The following TMEM74B variants were observed in gnomAD, a reference collection of about 807,000 sequenced individuals.
TMEM74B encodes transmembrane protein C20orf46.
TMEM74B carries 7 observed loss-of-function variants against 6.5 expected under a neutral mutation model. The ratio of observed to expected loss-of-function variants is 1.07; its 90% CI spans 0.61 to 2.01. The LOEUF (loss-of-function observed/expected upper bound fraction) is 2.01. TMEM74B is among the 30% of genes most tolerant of loss of function. The pLI is 0.00. For synonymous variants in TMEM74B, 151 were observed against 151.6 expected (o/e 1.00, Z 0.03); for missense variants, 342 against 337.0 (o/e 1.01, Z -0.12).
At chr20:1,182,163 TGTATGA>T (rs1455630127) in intron 2 of TMEM74B, among the ~76,000 whole-genome samples, 1 of 136,794 alleles carries the variant, frequency 7.3e-6, no homozygotes, top group Non-Finnish European at 1.5e-5. Context: ...TGGACCTTGT[TGTATGA>T]GGGAAGGATG....
At chr20:1,182,496 A>T (rs2086897549) in intron 2 of TMEM74B, among the ~76,000 whole-genome samples, 1 of 149,850 alleles carries the variant, frequency 6.7e-6, no homozygotes, top group Non-Finnish European at 1.5e-5. Context: ...AAAGTGGAGG[A>T]TGGGGGTCCA....
upstream of TMEM74B, among the ~76,000 whole-genome samples, chr20:1,186,833 TAG>T (rs2087028337): frequency 6.6e-6 from 1 of 152,116 alleles, no homozygotes; most frequent in Admixed American, 6.5e-5. Context: ...GGCCCGTTGT[TAG>T]AGACTTCAAA....
chr20:1,188,930 T>C (rs2087048183), upstream of TMEM74B, among the ~76,000 whole-genome samples: 1 of 131,540 alleles, frequency 7.6e-6, no homozygotes, highest in Non-Finnish European at 1.5e-5. Context: ...ATTTTGAAAG[T>C]GCGAGGTGCA....
chr20:1,181,274 C>T lies in TMEM74B; in HGVS notation c.345G>A (p.Val115=). 1 of 1,613,732 alleles carries T rather than the reference C, an allele frequency of 6.2e-7. No individual in the cohort carries two copies. Among genetic ancestry groups the T allele is most frequent in the Non-Finnish European group, 8.5e-7 (1 of 1,179,826 alleles). The change falls in exon 3 of 3, where the codon GTG becomes GTA. Residue 115 remains valine (V), a synonymous_variant. Transcript: ENST00000429036. This position sits in a 1 kb window ranked among gnomAD's most constrained non-coding sequence, Gnocchi z 4.9. ...HSEEGPALEP[V]SRPVDYGFVS... is the part of the protein sequence containing the mutation. The stretch of plus-strand genomic sequence containing the variant: ...CAAAGCCATAATCCACCGGGCGGCT[C>T]ACGGGCTCCAGGGCTGGCCCCTCCT...
chr20:1,187,583 T>C (rs2087036702), upstream of TMEM74B, among the ~76,000 whole-genome samples: 1 of 152,126 alleles, frequency 6.6e-6, no homozygotes, highest in Admixed American at 6.5e-5. Flanking sequence ...GCCAACCTAG[T>C]CTTGGGGATA....
rs1306874319 is a variant in TMEM74B, at chr20:1,181,001, GC to G, written c.617del (p.Arg206ProfsTer22). The G allele has an allele frequency of 6.2e-7, 1 of 1,613,940 alleles. No homozygotes were observed. The highest frequency in any genetic ancestry group is 1.3e-5 in the African/African-American group (1 of 74,936). On this transcript the variant is annotated frameshift_variant, in exon 3 of 3. Transcript: ENST00000429036. LOFTEE classifies it low-confidence loss of function (END_TRUNC). The surrounding 1 kb of genome is among the most constrained non-coding windows in gnomAD (Gnocchi z 4.9). ...CCTTGCCGGGGACGAAGGTCCTCCGGCGGTACAGCTCGCCCTTGCACAGGGA... is the reference window on the plus strand; with the variant it reads ...CCTTGCCGGGGACGAAGGTCCTCCGGGGTACAGCTCGCCCTTGCACAGGGA... ...MVSLCKGELY[R>X]RRTFVPGKGS...
At position 1,181,567 on chromosome 20, in the gene TMEM74B, C is replaced by G; in HGVS notation, c.52G>C (p.Glu18Gln). Residue 18 changes from glutamate to glutamine, a missense_variant, in exon 3 of 3, where the codon GAG (glutamate) becomes CAG (glutamine). Coordinates refer to ENST00000429036, the MANE Select transcript of TMEM74B (RefSeq NM_001304748.2). This position sits in a 1 kb window ranked among gnomAD's most constrained non-coding sequence, Gnocchi z 4.9. ...GCCATTGGGAAGGAGGGCCCCAGCTCATCCCTTGGCCCCTTGGCAGCTGGA... is the reference window on the plus strand; with the variant it reads ...GCCATTGGGAAGGAGGGCCCCAGCTGATCCCTTGGCCCCTTGGCAGCTGGA... The part of the protein sequence containing the change: ...EFAAAKGPRD[E>Q]LGPSFPMASP... 7.5e-6 allele frequency: 11 copies of G among 1,466,890 alleles called. No individual in the cohort carries two copies. The highest frequency in any genetic ancestry group is 9.0e-6 in the Non-Finnish European group (10 of 1,115,042). 90.9% of individuals were successfully genotyped at this position (1,466,890 alleles called of 1,614,324 possible).
In TMEM74B at chr20:1,182,479, AG is replaced by A. The variant is rs771992997; in HGVS notation, c.32-893del. Among the ~76,000 whole-genome samples, 24 of 149,536 alleles carry A rather than the reference AG, an allele frequency of 1.6e-4. 1 individual carries two copies. The East Asian group carries it at 1.8e-3, about 11-fold the overall frequency. ...AAGAAAGGAGGACTGATGAGATGGG[AG>A]GGGGCAAAGTGGAGGATGGGGGTCC... On this transcript the variant is annotated intron_variant, in intron 2 of 2. Coordinates refer to ENST00000429036, the MANE Select transcript of TMEM74B (RefSeq NM_001304748.2).
At chr20:1,183,529 C>G (rs1157509631) in intron 2 of TMEM74B, among the ~76,000 whole-genome samples, 1 of 152,138 alleles carries the variant, frequency 6.6e-6, no homozygotes, top group African/African-American at 2.4e-5. Context: ...CAGCCCATTT[C>G]TATCACTACG....
At position 1,180,883 on chromosome 20, in the gene TMEM74B, C is replaced by A; in HGVS notation, c.736G>T (p.Val246Phe). 6.2e-7 allele frequency: 1 copy of A among 1,607,902 alleles called. No individual in the cohort carries two copies. Among genetic ancestry groups the A allele is most frequent in the Middle Eastern group, 1.7e-4 (1 of 6,018 alleles). Residue 246 changes from valine to phenylalanine, a missense_variant, in exon 3 of 3, where the codon GTC (valine) becomes TTC (phenylalanine). By Grantham distance (50) the Val-to-Phe change is conservative. Coordinates refer to ENST00000429036, the MANE Select transcript of TMEM74B (RefSeq NM_001304748.2). This position sits in a 1 kb window ranked among gnomAD's most constrained non-coding sequence, Gnocchi z 6.1. ...QALVENEVVQ[V>F]SETSHTLQRS is the part of the protein sequence containing the mutation. ...TGGAGGGTGTGGCTAGTCTCTGAGA[C>A]CTGGACAACTTCATTCTCCACCAGG...
upstream of TMEM74B, among the ~76,000 whole-genome samples, chr20:1,186,857 C>T (rs993826415): frequency 7.9e-5 from 12 of 152,150 alleles, no homozygotes; most frequent in African/African-American, 2.9e-4. Flanking sequence ...GGATGCTAGC[C>T]CTGGCACCAC....
Position 1,181,176 on chromosome 20 carries a change from C to A in TMEM74B, c.443G>T (p.Arg148Leu). 1 of 1,614,158 alleles carries A rather than the reference C, an allele frequency of 6.2e-7. No individual in the cohort carries two copies. The highest frequency in any genetic ancestry group is 1.1e-5 in the South Asian group (1 of 91,082). The change falls in exon 3 of 3, where the codon CGA (arginine) becomes CTA (leucine). Residue 148 changes from arginine (R) to leucine (L), a missense_variant. Coordinates refer to ENST00000429036, the MANE Select transcript of TMEM74B (RefSeq NM_001304748.2). The surrounding 1 kb of genome is among the most constrained non-coding windows in gnomAD (Gnocchi z 4.9). Reference protein sequence around the residue: ...VTAYAIPREARVNPDTVTARE... With the variant: ...VTAYAIPREALVNPDTVTARE... Reference sequence around the variant, plus strand: ...CGCTGTCACTGTGTCCGGATTGACTCGAGCCTCACGGGGGATGGCGTATGC... The same window carrying A: ...CGCTGTCACTGTGTCCGGATTGACTAGAGCCTCACGGGGGATGGCGTATGC...
At chr20:1,183,298 G>GTGTGTGTGTGTGTGTGTT (rs1555769570) in intron 2 of TMEM74B, among the ~76,000 whole-genome samples, 5 of 149,828 alleles carry the variant, frequency 3.3e-5, no homozygotes, top group Non-Finnish European at 6.0e-5. Flanking sequence ...CTCTGTGTGT[G>GTGTGTGTGTGTGTGTGTT]TGTGTGTGTG....
At chr20:1,187,031 A>G (rs1249878456), upstream of TMEM74B, among the ~76,000 whole-genome samples, 4 of 152,168 alleles carry the variant, frequency 2.6e-5, no homozygotes, top group Non-Finnish European at 5.9e-5. Context: ...TCCCTCAGTC[A>G]TGCGCTGTCC....
At chr20:1,188,933 G>A (rs1236747314), upstream of TMEM74B, among the ~76,000 whole-genome samples, 1 of 148,752 alleles carries the variant, frequency 6.7e-6, no homozygotes, top group Non-Finnish European at 1.5e-5. Context: ...TTGAAAGTGC[G>A]AGGTGCACAT....
chr20:1,181,540 A>G lies in TMEM74B; in HGVS notation c.79T>C (p.Ser27Pro), dbSNP rs2086869101. Residue 27 changes from serine (S) to proline (P), a missense_variant, in exon 3 of 3, where the codon TCT becomes CCT. Physicochemically the swap from Ser to Pro is moderately conservative, Grantham distance 74 (BLOSUM62 -1). Transcript: ENST00000429036. The surrounding 1 kb of genome is among the most constrained non-coding windows in gnomAD (Gnocchi z 4.9). Reference sequence around the variant, plus strand: ...GTCTTCAGTTCCAGACCAGGGGGAGATGCCATTGGGAAGGAGGGCCCCAGC... The same window carrying G: ...GTCTTCAGTTCCAGACCAGGGGGAGGTGCCATTGGGAAGGAGGGCCCCAGC... The part of the protein sequence containing the change: ...DELGPSFPMA[S>P]PPGLELKTLS... The G allele has an allele frequency of 1.4e-6, 2 of 1,478,576 alleles. No individual in the cohort carries two copies. Among genetic ancestry groups the G allele is most frequent in the Non-Finnish European group, 1.8e-6 (2 of 1,118,194 alleles). The allele number at this position is 1,478,576 out of a possible 1,614,324, so 91.6% of individuals were successfully genotyped here. A position where few individuals can be genotyped will look rare whatever the true frequency, so the allele number is the denominator to read the frequency against.
Position 1,183,907 on chromosome 20 carries a change from G to A in TMEM74B, c.-106C>T. 7.3e-7 allele frequency: 1 copy of A among 1,365,000 alleles called. No individual in the cohort carries two copies. The highest frequency in any genetic ancestry group is 1.0e-6 in the Non-Finnish European group (1 of 978,694). The allele number at this position is 1,365,000 out of a possible 1,614,324, so 84.6% of individuals were successfully genotyped here. On this transcript the variant is annotated 5_prime_UTR_variant, in exon 2 of 3. The change creates a premature stop within an existing upstream ORF in the 5' untranslated region. Coordinates refer to ENST00000429036, the MANE Select transcript of TMEM74B (RefSeq NM_001304748.2). ...GCACCTTGAGAGCAGGCATAAGTTT[G>A]AATTCCATCTGGGTCCCCAGCCTGC...
chr20:1,183,318 G>GTGTGTGTGTGTT (rs2086928002), intron 2 of TMEM74B, among the ~76,000 whole-genome samples: 1 of 126,628 alleles, frequency 7.9e-6, no homozygotes, highest in African/African-American at 2.7e-5. Flanking sequence ...GTGTGTGTTT[G>GTGTGTGTGTGTT]TGTGTGTGTG....
rs1261853192 is a variant in TMEM74B, at chr20:1,181,363, T to G, written c.256A>C (p.Ser86Arg). 1.9e-6 allele frequency: 3 copies of G among 1,556,398 alleles called. No individual in the cohort carries two copies. Among genetic ancestry groups the G allele is most frequent in the Non-Finnish European group, 2.6e-6 (3 of 1,149,086 alleles). The change falls in exon 3 of 3, where the codon AGT (serine) becomes CGT (arginine). Residue 86 changes from serine to arginine, a missense_variant. Coordinates refer to ENST00000429036, the MANE Select transcript of TMEM74B (RefSeq NM_001304748.2). This position sits in a 1 kb window ranked among gnomAD's most constrained non-coding sequence, Gnocchi z 4.9. ...PGNTRLGSSP[S>R]PPGGVSSLPR... The stretch of plus-strand genomic sequence containing the variant: ...AGTGAGGAGACACCCCCAGGGGGAC[T>G]GGGTGAGCTGCCCAGTCTCGTGTTC...
Sources: gnomAD v4.1 joint callset for allele counts (sites outside exome capture counted in the v4.1 genomes callset) on GRCh38, gnomAD v4.1.1 for gene constraint, Gnocchi (gnomAD v3.1) non-coding constraint, MANE v1.5 for transcripts, NCBI Gene and HGNC (gene_info 2026-07-23, HGNC 2026-07-21) for gene names.